Variants in PCDH7 observed in about 807,000 individuals in gnomAD.
The protein encoded by PCDH7 is protocadherin-7.
A neutral mutation model predicts 58.9 loss-of-function variants in PCDH7; 17 were observed. The observed-to-expected ratio is 0.29, with a 90% confidence interval of 0.20 to 0.43. PCDH7 has a LOEUF of 0.43. Ranked by LOEUF, PCDH7 falls within the 20% of genes least tolerant of loss-of-function variation. The pLI is 1.00. For missense variants in PCDH7, 1,274 were observed against 1,441.0 expected, an observed-to-expected ratio of 0.88 and a Z score of 1.88; for synonymous variants, 664 against 616.4, an observed-to-expected ratio of 1.08 and a Z score of -1.14.
intron 3 of PCDH7, among the ~76,000 whole-genome samples, chr4:31,001,808 TA>T (rs1752382433): frequency 6.6e-6 from 1 of 152,202 alleles, no homozygotes; most frequent in African/African-American, 2.4e-5. Context: ...AAAAGTTCAA[TA>T]TGTTCATATT....
At chr4:31,132,868 G>A (rs1401894969) in intron 3 of PCDH7, among the ~76,000 whole-genome samples, 2 of 152,130 alleles carry the variant, frequency 1.3e-5, no homozygotes, top group Non-Finnish European at 2.9e-5. Flanking sequence ...AAGAAGACAA[G>A]TTTTTTCAGG....
intron 1 of PCDH7, among the ~76,000 whole-genome samples, chr4:30,873,264 A>C (rs1319335403): frequency 1.3e-5 from 2 of 152,118 alleles, no homozygotes; most frequent in Non-Finnish European, 2.9e-5. Flanking sequence ...AATTTTAAGG[A>C]AAATTGATTC....
chr4:30,853,223 A>T (rs1733006780), intron 1 of PCDH7, among the ~76,000 whole-genome samples: 2 of 152,126 alleles, frequency 1.3e-5, no homozygotes, highest in Admixed American at 1.3e-4. Flanking sequence ...TAACTGTGTG[A>T]CCTTGTGGGA....
At chr4:31,102,193 T>C (rs1276095447) in intron 3 of PCDH7, among the ~76,000 whole-genome samples, 1 of 146,512 alleles carries the variant, frequency 6.8e-6, no homozygotes, top group Non-Finnish European at 1.5e-5. Flanking sequence ...TTATGATCCT[T>C]TTTTTTTTTT....
chr4:31,094,312 A>G (rs563083587), intron 3 of PCDH7, among the ~76,000 whole-genome samples: 1 of 152,278 alleles, frequency 6.6e-6, no homozygotes, highest in South Asian at 2.1e-4. Flanking sequence ...ACGTCCTAGT[A>G]GAAAGCTGAA....
intron 1 of PCDH7, among the ~76,000 whole-genome samples, chr4:30,764,318 A>C (rs1720417122): frequency 6.6e-6 from 1 of 152,152 alleles, no homozygotes; most frequent in Non-Finnish European, 1.5e-5. Flanking sequence ...CAATGCGTTT[A>C]ACCACACAAA....
chr4:31,120,279 C>T (rs1025401605), intron 3 of PCDH7, among the ~76,000 whole-genome samples: 1 of 151,778 alleles, frequency 6.6e-6, no homozygotes, highest in Non-Finnish European at 1.5e-5. Context: ...TTCTTCCTTT[C>T]CTGTTCATCC....
At chr4:31,054,715 T>C (rs1031725335) in intron 3 of PCDH7, among the ~76,000 whole-genome samples, 1 of 152,166 alleles carries the variant, frequency 6.6e-6, no homozygotes, top group African/African-American at 2.4e-5. Flanking sequence ...TGCCATTATA[T>C]GATAAAGGCA....
At chr4:30,901,303 A>G (rs1279878965) in intron 1 of PCDH7, among the ~76,000 whole-genome samples, 1 of 152,170 alleles carries the variant, frequency 6.6e-6, no homozygotes, top group African/African-American at 2.4e-5. Flanking sequence ...CCAGATAGAG[A>G]GAGGAATAAG....
intron 3 of PCDH7, among the ~76,000 whole-genome samples, chr4:31,002,174 A>C (rs1752409499): frequency 6.6e-6 from 1 of 152,172 alleles, no homozygotes; most frequent in Admixed American, 6.5e-5. Context: ...CACTTGGAAA[A>C]TATTAGCCAA....
chr4:30,947,763 G>A (rs1473363741), intron 2 of PCDH7, among the ~76,000 whole-genome samples: 4 of 152,030 alleles, frequency 2.6e-5, no homozygotes, highest in Non-Finnish European at 5.9e-5. Flanking sequence ...GCTATCTGTA[G>A]TCATTCTGCA....
intron 3 of PCDH7, among the ~76,000 whole-genome samples, chr4:31,116,208 T>C (rs991254257): frequency 5.3e-5 from 8 of 152,156 alleles, no homozygotes; most frequent in Non-Finnish European, 1.2e-4. Context: ...CTTTGTTGAG[T>C]TCCTGCACAC....
chr4:31,095,382 G>C (rs540285127), intron 3 of PCDH7, among the ~76,000 whole-genome samples: 4 of 152,142 alleles, frequency 2.6e-5, no homozygotes, highest in Non-Finnish European at 5.9e-5. Context: ...CGTTTTTATA[G>C]CTTTTCTATT....
intron 1 of PCDH7, among the ~76,000 whole-genome samples, chr4:30,834,001 T>C (rs999017070): frequency 2.6e-5 from 4 of 152,110 alleles, no homozygotes; most frequent in Non-Finnish European, 4.4e-5. Context: ...TTAGAGGTCA[T>C]TAGAAATTTA....
intron 1 of PCDH7, among the ~76,000 whole-genome samples, chr4:30,781,906 A>G (rs1225368781): frequency 6.6e-6 from 1 of 152,168 alleles, no homozygotes; most frequent in Non-Finnish European, 1.5e-5. Flanking sequence ...TTAAGAGTAT[A>G]GTTCAAACGG....
intron 1 of PCDH7, among the ~76,000 whole-genome samples, chr4:30,859,294 T>A (rs1733887020): frequency 1.3e-5 from 2 of 152,148 alleles, no homozygotes; most frequent in South Asian, 4.1e-4. Flanking sequence ...TTAGGTATAA[T>A]TAGGAGAGCA....
At chr4:31,066,145 T>C (rs1758069571) in intron 3 of PCDH7, among the ~76,000 whole-genome samples, 2 of 151,864 alleles carry the variant, frequency 1.3e-5, no homozygotes, top group South Asian at 4.1e-4. Context: ...AAGGCTCCAC[T>C]TGACACTCTG....
At chr4:30,839,999 ATG>A (rs1266408646) in intron 1 of PCDH7, among the ~76,000 whole-genome samples, 1 of 151,516 alleles carries the variant, frequency 6.6e-6, no homozygotes, top group African/African-American at 2.4e-5. Context: ...AGCTAAGCAA[ATG>A]ATTAGTGCGA....
At chr4:30,806,952 C>T (rs1270134674) in intron 1 of PCDH7, among the ~76,000 whole-genome samples, 1 of 152,030 alleles carries the variant, frequency 6.6e-6, no homozygotes, top group Admixed American at 6.5e-5. Flanking sequence ...TTTGTGTATA[C>T]TTTGCCTTGT....
Sources: allele counts gnomAD v4.1 joint callset (sites outside exome capture counted in the v4.1 genomes callset), GRCh38; gene constraint gnomAD v4.1.1; transcripts MANE v1.5; gene names NCBI Gene and HGNC (gene_info 2026-07-23, HGNC 2026-07-21).